The following ARFGEF1 variants were observed in gnomAD, a reference collection of about 807,000 sequenced individuals.
ARFGEF1 encodes the protein brefeldin A-inhibited guanine nucleotide-exchange protein 1.
In ARFGEF1, 42 loss-of-function variants were observed where a neutral mutation model predicts 231.0. The ratio of observed to expected loss-of-function variants is 0.18; its 90% CI spans 0.14 to 0.24. The LOEUF (loss-of-function observed/expected upper bound fraction) is 0.24. Ranked by LOEUF, ARFGEF1 falls within the 10% of genes least tolerant of loss-of-function variation. The probability of loss-of-function intolerance (pLI) is 1.00; values close to 1 mark genes in which losing one functional copy is unlikely to be tolerated. For synonymous variants in ARFGEF1, 710 were observed against 732.3 expected (o/e 0.97, Z 0.49); for missense variants, 1,345 against 2,192.0 (o/e 0.61, Z 7.72).
chr8:67,221,576 A>ATAT (rs1368749400), intron 29 of ARFGEF1, among the ~76,000 whole-genome samples: 1 of 152,206 alleles, frequency 6.6e-6, no homozygotes, highest in East Asian at 1.9e-4. Flanking sequence ...AAGTGTTAAT[A>ATAT]TAAGAGTCAA....
chr8:67,186,519 T>C (rs1490509528), intron 5 of ARFGEF1, among the ~76,000 whole-genome samples: 1 of 151,580 alleles, frequency 6.6e-6, no homozygotes, highest in African/African-American at 2.4e-5. Context: ...TCAGCAAACT[T>C]GGAATAGAGG....
In ARFGEF1 at chr8:67,291,818, A is replaced by C. The variant is rs1806023286; in HGVS notation, c.916+29T>G. 3.1e-6 allele frequency: 5 copies of C among 1,601,636 alleles called. No individual in the cohort carries two copies. In the East Asian group the frequency reaches 1.1e-4, roughly 36 times the overall value. On this transcript the variant is annotated intron_variant, in intron 6 of 38. Transcript: ENST00000262215. ...TTCCTACACATTTCCCTTAACACAC[A>C]CCCCAAACCCCCTTTTCAAGAAGAT...
At chr8:67,214,596 T>C (rs756584690) in intron 33 of ARFGEF1, among the ~76,000 whole-genome samples, 1 of 152,158 alleles carries the variant, frequency 6.6e-6, no homozygotes, top group Non-Finnish European at 1.5e-5. Context: ...TGGACAACTT[T>C]TTGCCAAAGA....
Position 67,221,008 on chromosome 8 carries a change from G to T in ARFGEF1, c.4209-1448C>A, listed in dbSNP as rs189113529. Reference sequence around the variant, plus strand: ...AACAATGAACTGCATATAAGACAGTGGTCCCCTAAGATTATAATAGAGCTA... The same window carrying T: ...AACAATGAACTGCATATAAGACAGTTGTCCCCTAAGATTATAATAGAGCTA... On this transcript the variant is annotated intron_variant, in intron 29 of 38. Transcript: ENST00000262215. 4.4e-3 allele frequency among the ~76,000 whole-genome samples: 670 copies of T among 151,364 alleles called. 9 individuals carry two copies. The highest frequency in any genetic ancestry group is 0.015 in the African/African-American group (637 of 41,160).
rs763956336 is a variant in ARFGEF1, at chr8:67,198,927, GTTCCCATCATTGCT to G, written c.5543_*6del. On this transcript the variant is annotated stop_lost and 3_prime_UTR_variant, in exon 39 of 39. Transcript: ENST00000262215. ...ATGTAAATGCCAACAAAAATATTAA[GTTCCCATCATTGCT>G]TGTTTATTCCAAGTTCCTGTTCAGG... The G allele has an allele frequency of 1.2e-6, 2 of 1,612,084 alleles. No homozygotes were observed. Among genetic ancestry groups the G allele is most frequent in the East Asian group, 4.5e-5 (2 of 44,656 alleles).
intron 1 of ARFGEF1, among the ~76,000 whole-genome samples, chr8:67,311,643 G>A (rs549231661): frequency 0.017 from 2,534 of 151,140 alleles, 51 homozygotes; most frequent in African/African-American, 0.053. Flanking sequence ...CCAGCCAGCC[G>A]CCCCGTCCGG....
intron 30 of ARFGEF1, among the ~76,000 whole-genome samples, chr8:67,218,571 T>C (rs1839038164): frequency 6.6e-6 from 1 of 151,782 alleles, no homozygotes; most frequent in Admixed American, 6.6e-5. Flanking sequence ...AAAATAAAAA[T>C]GACTTTCCTG....
chr8:67,256,183 C>T (rs550442939), intron 17 of ARFGEF1, among the ~76,000 whole-genome samples: 36 of 151,992 alleles, frequency 2.4e-4, no homozygotes, highest in Non-Finnish European at 7.4e-5. Context: ...CTTATAAAGC[C>T]GTAGAATAGA....
chr8:67,222,198 T>TATATACACACAC (rs1554636828), intron 29 of ARFGEF1, among the ~76,000 whole-genome samples: 1 of 140,510 alleles, frequency 7.1e-6, no homozygotes, highest in African/African-American at 2.7e-5. Flanking sequence ...TATATATATA[T>TATATACACACAC]ATATATACAC....
At chr8:67,259,976 C>T in intron 14 of ARFGEF1, 50 bp from the exon 15 acceptor site, 2 of 1,294,806 alleles carry the variant, frequency 1.5e-6, no homozygotes, top group Non-Finnish European at 2.2e-6. Flanking sequence ...ATTCGTAGTC[C>T]CTGAAAAGAT....
chr8:67,266,394 T>C (rs891316803), intron 13 of ARFGEF1, among the ~76,000 whole-genome samples, 187 bp from the exon 14 acceptor site: 1 of 152,156 alleles, frequency 6.6e-6, no homozygotes, highest in Non-Finnish European at 1.5e-5. Context: ...AATTTGTACG[T>C]GTATAGTCTG....
intron 1 of ARFGEF1, among the ~76,000 whole-genome samples, chr8:67,318,042 C>A (rs1319538626): frequency 6.6e-6 from 1 of 151,592 alleles, no homozygotes; most frequent in East Asian, 1.9e-4. Flanking sequence ...TCGAGACCAT[C>A]CTGGCTAACA....
At chr8:67,277,573 T>C (rs1330982303) in intron 7 of ARFGEF1, 116 bp from the exon 8 acceptor site, 3 of 888,134 alleles carry the variant, frequency 3.4e-6, no homozygotes, top group Admixed American at 5.3e-5. Flanking sequence ...AAGTAAAATA[T>C]GTATTGGCAC....
chr8:67,252,530 AT>A (rs1840329873), intron 18 of ARFGEF1, among the ~76,000 whole-genome samples: 1 of 152,120 alleles, frequency 6.6e-6, no homozygotes, highest in Non-Finnish European at 1.5e-5. Flanking sequence ...TTCTCCTGCC[AT>A]TTGGATTTTA....
chr8:67,235,347 T>G (rs1005307250), intron 22 of ARFGEF1, among the ~76,000 whole-genome samples: 4 of 151,940 alleles, frequency 2.6e-5, no homozygotes, highest in African/African-American at 9.7e-5. Flanking sequence ...TCACGTATGA[T>G]GAAATACTAA....
intron 6 of ARFGEF1, among the ~76,000 whole-genome samples, chr8:67,289,728 G>C (rs998024971): frequency 2.0e-5 from 3 of 151,968 alleles, no homozygotes; most frequent in Non-Finnish European, 4.4e-5. Flanking sequence ...GCATGTAAAT[G>C]AGCAACCTTA....
At chr8:67,237,401 G>A (rs1299723687) in intron 22 of ARFGEF1, among the ~76,000 whole-genome samples, 1 of 152,186 alleles carries the variant, frequency 6.6e-6, no homozygotes, top group African/African-American at 2.4e-5. Context: ...CCAACTTGAA[G>A]CCATATCATG....
At chr8:67,343,117 C>T in intron 1 of ARFGEF1, 47 bp downstream of exon 1, 1 of 1,141,874 alleles carries the variant, frequency 8.8e-7, no homozygotes, top group Non-Finnish European at 1.2e-6. Context: ...GCCCCCCTCC[C>T]CGCCCCACAA....
intron 1 of ARFGEF1, among the ~76,000 whole-genome samples, chr8:67,324,064 G>C (rs1041829873): frequency 6.6e-6 from 1 of 152,144 alleles, no homozygotes; most frequent in African/African-American, 2.4e-5. Flanking sequence ...GCCTCCCAAA[G>C]TGCTGGGATT....
Sources: gnomAD v4.1 joint callset for allele counts (sites outside exome capture counted in the v4.1 genomes callset) on GRCh38, gnomAD v4.1.1 for gene constraint, MANE v1.5 for transcripts, NCBI Gene and HGNC (gene_info 2026-07-23, HGNC 2026-07-21) for gene names.